Variants in REEP5 observed in about 807,000 individuals in gnomAD.
REEP5 encodes receptor accessory protein 5, also known as receptor expression-enhancing protein 5.
REEP5 carries 24 observed loss-of-function variants against 22.4 expected under a neutral mutation model. The ratio of observed to expected loss-of-function variants is 1.07; its 90% CI spans 0.78 to 1.51. REEP5 has a LOEUF of 1.51. REEP5 is among the 40% of genes most tolerant of loss of function. REEP5 has a pLI of 0.00. For missense variants in REEP5, 252 were observed against 233.0 expected (o/e 1.08, Z -0.53); for synonymous variants, 103 against 88.6 (o/e 1.16, Z -0.92).
intron 3 of REEP5, chr5:112,897,052 T>C (rs1468154411): frequency 6.6e-6 from 1 of 152,138 alleles, no homozygotes; most frequent in East Asian, 1.9e-4. Flanking sequence ...AATTGGGAAG[T>C]AGGTAAATTA....
At chr5:112,892,041 GAAAGAA>G in intron 3 of REEP5, 11 of 1,478,214 alleles carry the variant, frequency 7.4e-6, no homozygotes, top group African/African-American at 4.1e-5. Context: ...AACAGGAGAA[GAAAGAA>G]AAAGAGGAAG....
At position 112,887,214 on chromosome 5, in the gene REEP5, A is replaced by G. The variant is rs753251318; in HGVS notation, c.352-31T>C. The G allele has an allele frequency of 2.1e-5, 32 of 1,521,478 alleles. No individual in the cohort carries two copies. The Admixed American group carries it at 3.2e-4, about 15-fold the overall frequency. 94.2% of individuals were successfully genotyped at this position (1,521,478 alleles called of 1,614,324 possible). Reference sequence around the variant, plus strand: ...CAGAAAAAGAGCCAGCATGGGTAACAGGAGGGTGGAGGGGGCACATTCTGA... The same window carrying G: ...CAGAAAAAGAGCCAGCATGGGTAACGGGAGGGTGGAGGGGGCACATTCTGA... On this transcript the variant is annotated intron_variant, in intron 3 of 4. Transcript: ENST00000379638.
chr5:112,879,246 A>G (rs1392631333), intron 4 of REEP5, among the ~76,000 whole-genome samples: 1 of 146,632 alleles, frequency 6.8e-6, no homozygotes, highest in Admixed American at 7.2e-5. Context: ...CTAGGTCATC[A>G]TATTTATCCC....
At chr5:112,920,483 TA>T (rs967958296) in intron 2 of REEP5, among the ~76,000 whole-genome samples, 8 of 151,936 alleles carry the variant, frequency 5.3e-5, no homozygotes, top group Non-Finnish European at 7.4e-5. Flanking sequence ...ATCGTAGAAT[TA>T]AAAAAAATAA....
At chr5:112,905,556 CA>C (rs111300443) in intron 2 of REEP5, among the ~76,000 whole-genome samples, 6,551 of 143,138 alleles carry the variant, frequency 0.046, 430 homozygotes, top group African/African-American at 0.15. Flanking sequence ...AAAAACAAAA[CA>C]AAAAAAAAAC....
intron 2 of REEP5, among the ~76,000 whole-genome samples, chr5:112,916,762 A>G (rs1389147021): frequency 6.6e-6 from 1 of 152,180 alleles, no homozygotes; most frequent in Non-Finnish European, 1.5e-5. Flanking sequence ...GATTCTTTGG[A>G]TTTAAATACC....
intron 4 of REEP5, among the ~76,000 whole-genome samples, chr5:112,882,954 C>T (rs1403540728): frequency 1.3e-5 from 2 of 152,164 alleles, no homozygotes; most frequent in Non-Finnish European, 2.9e-5. Context: ...ACCTGATTTC[C>T]CTGCTGTTAC....
intron 3 of REEP5, among the ~76,000 whole-genome samples, chr5:112,890,269 G>A (rs1246166482): frequency 6.7e-6 from 1 of 150,296 alleles, no homozygotes; most frequent in Non-Finnish European, 1.5e-5. Context: ...CAGGCTTGGT[G>A]AGACAGCAAG....
At chr5:112,880,898 G>A (rs1194690990) in intron 4 of REEP5, among the ~76,000 whole-genome samples, 2 of 152,154 alleles carry the variant, frequency 1.3e-5, no homozygotes, top group Non-Finnish European at 2.9e-5. Flanking sequence ...AGAGGCCGAG[G>A]TGGGTGGATC....
chr5:112,921,899 G>C, intron 1 of REEP5, 174 bp downstream of exon 1: 2 of 765,186 alleles, frequency 2.6e-6, no homozygotes, highest in Non-Finnish European at 3.8e-6. Flanking sequence ...GCCCCCGCGG[G>C]GTCCTCCGAT....
intron 3 of REEP5, among the ~76,000 whole-genome samples, chr5:112,888,034 A>C (rs925837677): frequency 6.6e-6 from 1 of 152,162 alleles, no homozygotes; most frequent in Non-Finnish European, 1.5e-5. Flanking sequence ...AGTTTAAAAG[A>C]TTCTAACCAC....
intron 2 of REEP5, among the ~76,000 whole-genome samples, chr5:112,914,448 G>C (rs1160386919): frequency 6.6e-6 from 1 of 151,834 alleles, no homozygotes; most frequent in East Asian, 2.0e-4. Flanking sequence ...ATGTTGTCCA[G>C]GCTGGTCTCA....
chr5:112,907,376 T>G (rs545446718), intron 2 of REEP5, among the ~76,000 whole-genome samples: 115 of 152,340 alleles, frequency 7.5e-4, no homozygotes, highest in Middle Eastern at 3.4e-3. Context: ...TACTGTCATA[T>G]TCTCACCACT....
intron 2 of REEP5, among the ~76,000 whole-genome samples, chr5:112,910,967 A>G (rs1769091605): frequency 6.6e-6 from 1 of 152,208 alleles, no homozygotes; most frequent in Admixed American, 6.5e-5. Flanking sequence ...TTTTTGCTAG[A>G]TACTGACTTT....
At chr5:112,902,212 T>TG (rs1467876897) in intron 3 of REEP5, among the ~76,000 whole-genome samples, 168 bp downstream of exon 3, 3 of 88,274 alleles carry the variant, frequency 3.4e-5, no homozygotes, top group African/African-American at 2.0e-4. Flanking sequence ...GCTTGAGCAT[T>TG]TTTTTGTTTT....
chr5:112,878,167 T>TAATC lies in REEP5; in HGVS notation c.*615_*618dup, dbSNP rs1767955528. On this transcript the variant is annotated 3_prime_UTR_variant, in exon 5 of 5. Transcript: ENST00000379638. Reference sequence around the variant, plus strand: ...TTTCTCACTTTGTTCACTTGCATATTAATCACGTATTTCCTAAAGTATTAT... The same window carrying TAATC: ...TTTCTCACTTTGTTCACTTGCATATTAATCAATCACGTATTTCCTAAAGTATTAT... 6.6e-6 allele frequency: 1 copy of TAATC among 152,656 alleles called. No individual in the cohort carries two copies. Among genetic ancestry groups the TAATC allele is most frequent in the Non-Finnish European group, 1.5e-5 (1 of 68,072 alleles). The allele number at this position is 152,656 out of a possible 1,614,324, so 9.5% of individuals were successfully genotyped here.
At chr5:112,919,693 T>G (rs1769308290) in intron 2 of REEP5, among the ~76,000 whole-genome samples, 1 of 152,184 alleles carries the variant, frequency 6.6e-6, no homozygotes. Flanking sequence ...ATGCCATCTT[T>G]GAAGCAGGGA....
intron 3 of REEP5, among the ~76,000 whole-genome samples, chr5:112,888,628 A>G (rs1260972425): frequency 7.0e-6 from 1 of 142,806 alleles, no homozygotes; most frequent in Non-Finnish European, 1.5e-5. Flanking sequence ...AAGTGTCACA[A>G]TGTTGTCCAG....
chr5:112,884,001 A>G (rs1441180651), intron 4 of REEP5, among the ~76,000 whole-genome samples: 1 of 152,176 alleles, frequency 6.6e-6, no homozygotes, highest in African/African-American at 2.4e-5. Context: ...ACTGCTACAC[A>G]AGGAACCAAG....
Sources: gnomAD v4.1 joint callset for allele counts (sites outside exome capture counted in the v4.1 genomes callset) on GRCh38, gnomAD v4.1.1 for gene constraint, MANE v1.5 for transcripts, NCBI Gene and HGNC (gene_info 2026-07-23, HGNC 2026-07-21) for gene names.